EBPL: variants seen among roughly 807,000 people sequenced by gnomAD.
EBPL encodes the protein emopamil-binding protein-like.
In EBPL, 20 loss-of-function variants were observed where a neutral mutation model predicts 19.0. That is an observed-to-expected ratio of 1.05 (90% CI 0.74 to 1.53). The LOEUF (loss-of-function observed/expected upper bound fraction) is 1.53. Ranked by LOEUF, EBPL falls within the 40% of genes most tolerant of loss-of-function variation. The pLI is 0.00. For synonymous variants in EBPL, 107 were observed against 117.0 expected (o/e 0.91, Z 0.55); for missense variants, 219 against 261.1 (o/e 0.84, Z 1.11).
intron 1 of EBPL, among the ~76,000 whole-genome samples, chr13:49,688,129 T>C (rs1566323690): frequency 1.3e-5 from 2 of 152,224 alleles, no homozygotes; most frequent in African/African-American, 4.8e-5. Flanking sequence ...ATTTTATCCA[T>C]GAAGCACCAG....
intron 1 of EBPL, among the ~76,000 whole-genome samples, chr13:49,690,173 C>CAAA (rs1332181431): frequency 0.018 from 1,752 of 96,346 alleles, 28 homozygotes; most frequent in African/African-American, 0.047. Context: ...AAAAAAAAGA[C>CAAA]AAAAAAAAAA....
At chr13:49,669,976 A>C in intron 1 of EBPL, 130 bp from the exon 2 acceptor site, 1 of 704,720 alleles carries the variant, frequency 1.4e-6, no homozygotes, top group South Asian at 1.8e-5. Context: ...CACAGCCTGG[A>C]AACATCCATA....
In EBPL at chr13:49,691,417, G is replaced by A. The variant is rs184714208; in HGVS notation, c.8C>T (p.Ala3Val). The A allele has an allele frequency of 1.6e-3, 2,084 of 1,342,370 alleles. 46 individuals are homozygous for A. Among genetic ancestry groups the A allele is most frequent in the Non-Finnish European group, 2.0e-4 (214 of 1,048,452 alleles). The allele number at this position is 1,342,370 out of a possible 1,614,324, so 83.2% of individuals were successfully genotyped here. The stretch of plus-strand genomic sequence containing the variant: ...AGCCTCGGCCCCCAGCTCCCACTCA[G>A]CGCCCATGCTTCAGGCTTCCGACGC... Reference protein sequence around the residue: MGAEWELGAEAGG... With the variant: MGVEWELGAEAGG... The change falls in exon 1 of 4, where the codon GCT (alanine) becomes GTT (valine). Residue 3 changes from alanine to valine, a missense_variant. Around this residue, in one of 2 missense-constraint regions of EBPL, gnomAD observed 170 missense variants for 167.0 expected, o/e 1.02. Coordinates refer to ENST00000242827, the MANE Select transcript of EBPL (RefSeq NM_032565.5).
intron 1 of EBPL, among the ~76,000 whole-genome samples, chr13:49,681,595 C>A (rs1953944094): frequency 6.6e-6 from 1 of 152,298 alleles, no homozygotes; most frequent in African/African-American, 2.4e-5. Flanking sequence ...CCAGCCCAGG[C>A]ATATAAGGGT....
At chr13:49,685,535 C>T (rs1255188119) in intron 1 of EBPL, among the ~76,000 whole-genome samples, 4 of 152,162 alleles carry the variant, frequency 2.6e-5, no homozygotes, top group African/African-American at 4.8e-5. Flanking sequence ...CCCAGAATCT[C>T]GTCCCAAAGC....
At chr13:49,672,579 C>A (rs1953829417) in intron 1 of EBPL, among the ~76,000 whole-genome samples, 3 of 152,070 alleles carry the variant, frequency 2.0e-5, no homozygotes, top group Admixed American at 2.0e-4. Flanking sequence ...GAAAACAAGA[C>A]AGTTAAAAAT....
At chr13:49,677,273 A>G (rs1336927673) in intron 1 of EBPL, among the ~76,000 whole-genome samples, 1 of 152,182 alleles carries the variant, frequency 6.6e-6, no homozygotes, top group African/African-American at 2.4e-5. Context: ...TCCCTGTATC[A>G]TCACACTTGT....
At chr13:49,686,824 C>T (rs1954003912) in intron 1 of EBPL, among the ~76,000 whole-genome samples, 1 of 152,090 alleles carries the variant, frequency 6.6e-6, no homozygotes, top group African/African-American at 2.4e-5. Flanking sequence ...GAGATGGGGT[C>T]TCACTCTGTC....
At chr13:49,662,929 C>T in intron 3 of EBPL, 128 bp downstream of exon 3, 1 of 1,296,276 alleles carries the variant, frequency 7.7e-7, no homozygotes, top group East Asian at 2.5e-5. Context: ...AGCCACCGCG[C>T]CCAGCCTCTA....
chr13:49,661,864 A>C, intron 3 of EBPL: 1 of 1,550,556 alleles, frequency 6.4e-7, no homozygotes. Context: ...AGCTGTGCCT[A>C]CTTGAAATTG....
chr13:49,687,331 CCTCT>C (rs917304383), intron 1 of EBPL, among the ~76,000 whole-genome samples: 37 of 152,038 alleles, frequency 2.4e-4, no homozygotes, highest in Non-Finnish European at 2.9e-4. Context: ...CCTCAGCTTG[CCTCT>C]CTCTTTTTTT....
intron 2 of EBPL, among the ~76,000 whole-genome samples, chr13:49,665,507 GTGATCCACC>G (rs1201806518): frequency 6.6e-6 from 1 of 152,180 alleles, no homozygotes; most frequent in Non-Finnish European, 1.5e-5. Flanking sequence ...CTGACCTCAG[GTGATCCACC>G]TGCTTTGGCC....
intron 1 of EBPL, among the ~76,000 whole-genome samples, chr13:49,673,491 G>A (rs1392153819): frequency 6.6e-6 from 1 of 152,210 alleles, no homozygotes; most frequent in Non-Finnish European, 1.5e-5. Flanking sequence ...AGGCAGGAGT[G>A]CAGTGGCTCG....
intron 3 of EBPL, 31 bp downstream of exon 3, chr13:49,663,026 C>T: frequency 6.2e-7 from 1 of 1,611,996 alleles, no homozygotes; most frequent in Non-Finnish European, 8.5e-7. Flanking sequence ...TGTCTCCCCT[C>T]CTTCCAGCAG....
At chr13:49,661,741 C>A in intron 3 of EBPL, 1 of 1,467,116 alleles carries the variant, frequency 6.8e-7, no homozygotes, top group South Asian at 1.4e-5. Context: ...AAAAATACGT[C>A]AAGGTACCAA....
At chr13:49,676,051 T>C (rs1050090527) in intron 1 of EBPL, among the ~76,000 whole-genome samples, 8 of 152,240 alleles carry the variant, frequency 5.3e-5, no homozygotes, top group African/African-American at 1.9e-4. Flanking sequence ...TTGAGGTTTT[T>C]TTTAATTGTT....
chr13:49,666,481 C>G (rs566751531), intron 2 of EBPL, among the ~76,000 whole-genome samples: 24 of 151,614 alleles, frequency 1.6e-4, no homozygotes, highest in Admixed American at 3.3e-4. Context: ...GAGGCCGAGG[C>G]GGGTGGATCA....
rs765042176 is a variant in EBPL, at chr13:49,669,792, A to G, written c.226T>C (p.Leu76=). The G allele has an allele frequency of 1.2e-6, 2 of 1,614,044 alleles. No homozygotes were observed. The highest frequency in any genetic ancestry group is 1.7e-6 in the Non-Finnish European group (2 of 1,179,988). Residue 76 remains leucine, a synonymous_variant, in exon 2 of 4, where the codon TTG becomes CTG. Coordinates refer to ENST00000242827, the MANE Select transcript of EBPL (RefSeq NM_032565.5). ...LVGNVANSDG[L]IASLWKEYGK... ...AATTACTTACATAAAGAAGCAATCA[A>G]GCCATCGGAATTTGCAACGTTTCCT...
At chr13:49,686,811 T>C (rs183895843) in intron 1 of EBPL, among the ~76,000 whole-genome samples, 1 of 152,272 alleles carries the variant, frequency 6.6e-6, no homozygotes, top group East Asian at 1.9e-4. Flanking sequence ...CTCTCTTCTT[T>C]TTGAGATGGG....
Sources: allele counts gnomAD v4.1 joint callset (sites outside exome capture counted in the v4.1 genomes callset), GRCh38; gene constraint gnomAD v4.1.1; regional missense constraint gnomAD v4.1.1; transcripts MANE v1.5; gene names NCBI Gene and HGNC (gene_info 2026-07-23, HGNC 2026-07-21).